LRRC4C: variants seen among roughly 807,000 people sequenced by gnomAD.
LRRC4C encodes the protein leucine-rich repeat-containing protein 4C.
A neutral mutation model predicts 33.6 loss-of-function variants in LRRC4C; 5 were observed. That is an observed-to-expected ratio of 0.15 (90% confidence interval 0.08 to 0.31). The LOEUF is 0.31. Ranked by LOEUF, LRRC4C falls within the 10% of genes least tolerant of loss-of-function variation. The probability of loss-of-function intolerance (pLI) is 1.00; values close to 1 mark genes in which losing one functional copy is unlikely to be tolerated. For missense variants in LRRC4C, 560 were observed against 796.7 expected (o/e 0.70, Z 3.58); for synonymous variants, 329 against 302.0 (o/e 1.09, Z -0.93).
intron 3 of LRRC4C, among the ~76,000 whole-genome samples, chr11:40,467,688 G>A (rs1420997090): frequency 6.6e-6 from 1 of 152,116 alleles, no homozygotes; most frequent in African/African-American, 2.4e-5. Flanking sequence ...AATGGACACT[G>A]ACACAGCAAG....
At chr11:40,585,720 G>A (rs1280151513) in intron 3 of LRRC4C, among the ~76,000 whole-genome samples, 2 of 141,926 alleles carry the variant, frequency 1.4e-5, no homozygotes, top group Non-Finnish European at 3.1e-5. Flanking sequence ...AGAATATGCA[G>A]TGTTTGGTTT....
At chr11:40,615,238 TTATATATATATATATA>T (rs756021420) in intron 3 of LRRC4C, among the ~76,000 whole-genome samples, 2 of 88,148 alleles carry the variant, frequency 2.3e-5, no homozygotes, top group African/African-American at 3.9e-5. Flanking sequence ...TTGATTTATT[TTATATATATATATATA>T]TATATATATA....
rs147772926 is a variant in LRRC4C at position 40,531,818 on chromosome 11, T to C, written c.-270+116324A>G. Among the ~76,000 whole-genome samples the C allele has an allele frequency of 4.7e-3, 709 of 151,590 alleles. 4 individuals carry two copies. Among genetic ancestry groups the C allele is most frequent in the Non-Finnish European group, 7.9e-3 (539 of 67,898 alleles). ...ATGTTTGTTTGGTGTAATGCCATGG[T>C]AAAGGAAAGAAGACAGTAAGAAAAA... On this transcript the variant is annotated intron_variant, in intron 3 of 6. Transcript: ENST00000528697.
chr11:41,241,122 T>C (rs1463849116), intron 1 of LRRC4C, among the ~76,000 whole-genome samples: 1 of 152,182 alleles, frequency 6.6e-6, no homozygotes, highest in South Asian at 2.1e-4. Flanking sequence ...AACTACCTTA[T>C]AGTGTTGAAT....
intron 2 of LRRC4C, among the ~76,000 whole-genome samples, chr11:40,884,075 C>G (rs1364953207): frequency 1.3e-5 from 2 of 151,976 alleles, no homozygotes; most frequent in Non-Finnish European, 2.9e-5. Context: ...TCCCCCTACC[C>G]CGTGACAGGC....
intron 4 of LRRC4C, among the ~76,000 whole-genome samples, chr11:40,255,158 G>A (rs1428695689): frequency 1.3e-5 from 2 of 152,076 alleles, no homozygotes; most frequent in African/African-American, 4.8e-5. Context: ...GTCAATCAGG[G>A]AGGATGTACA....
At chr11:40,368,194 A>C (rs1021664828) in intron 3 of LRRC4C, among the ~76,000 whole-genome samples, 21 of 152,208 alleles carry the variant, frequency 1.4e-4, no homozygotes, top group African/African-American at 4.8e-4. Context: ...AAGAGAAATG[A>C]AAGAAAAATA....
At chr11:40,882,593 G>A (rs899611069) in intron 2 of LRRC4C, among the ~76,000 whole-genome samples, 2 of 151,008 alleles carry the variant, frequency 1.3e-5, no homozygotes, top group African/African-American at 4.9e-5. Context: ...TTCTTTCTCT[G>A]CCTAGTGATG....
intron 1 of LRRC4C, among the ~76,000 whole-genome samples, chr11:41,153,107 C>G (rs1173987814): frequency 6.6e-6 from 1 of 152,126 alleles, no homozygotes; most frequent in East Asian, 1.9e-4. Flanking sequence ...CTGCATCTTT[C>G]TCATGCTGCT....
chr11:40,958,146 A>C (rs957532782), intron 1 of LRRC4C, among the ~76,000 whole-genome samples: 1 of 151,700 alleles, frequency 6.6e-6, no homozygotes, highest in African/African-American at 2.4e-5. Flanking sequence ...GCACCTCAAT[A>C]ATAGAATCCT....
chr11:40,303,855 C>T (rs1410184975), intron 4 of LRRC4C, among the ~76,000 whole-genome samples: 1 of 152,056 alleles, frequency 6.6e-6, no homozygotes, highest in African/African-American at 2.4e-5. Flanking sequence ...ATATTTCTGC[C>T]TGATGAAGTG....
At position 40,984,393 on chromosome 11, in the gene LRRC4C, AAGAAAGAAAGAAAGAAAGAAAG is replaced by A. The variant is rs944422965; in HGVS notation, c.-495-50692_-495-50671del. On this transcript the variant is annotated intron_variant, in intron 1 of 6. Coordinates refer to ENST00000528697, the MANE Select transcript of LRRC4C (RefSeq NM_001258419.2). Reference sequence around the variant, plus strand: ...AAAGAAAGAAAGAAAGAAAGAAAGAAAGAAAGAAAGAAAGAAAGAAAGAGAAAGAAAGAAAGAGAAAAAGAAA... The same window carrying A: ...AAAGAAAGAAAGAAAGAAAGAAAGAAAGAAAGAAAGAAAGAGAAAAAGAAA... Among the ~76,000 whole-genome samples the A allele has an allele frequency of 5.2e-3, 455 of 88,252 alleles. 5 individuals carry two copies. Among genetic ancestry groups the A allele is most frequent in the African/African-American group, 0.015 (440 of 29,554 alleles). 57.9% of individuals were successfully genotyped at this position (88,252 alleles called of 152,430 possible). A position where few individuals can be genotyped will look rare whatever the true frequency, so the allele number is the denominator to read the frequency against.
At chr11:41,206,436 G>A (rs1590932508) in intron 1 of LRRC4C, among the ~76,000 whole-genome samples, 1 of 152,154 alleles carries the variant, frequency 6.6e-6, no homozygotes, top group Middle Eastern at 3.4e-3. Flanking sequence ...CCTACAAAAA[G>A]CCTCCTTCAT....
chr11:40,332,202 C>A (rs887439378), intron 3 of LRRC4C, among the ~76,000 whole-genome samples: 1 of 152,084 alleles, frequency 6.6e-6, no homozygotes, highest in African/African-American at 2.4e-5. Flanking sequence ...AGTCAGAAGC[C>A]CAAAACTAAA....
At chr11:40,508,941 T>TA (rs11412574) in intron 3 of LRRC4C, among the ~76,000 whole-genome samples, 9,830 of 151,958 alleles carry the variant, frequency 0.065, 839 homozygotes, top group African/African-American at 0.2. Flanking sequence ...GACAAAGCTT[T>TA]AAAAAAAAGA....
chr11:41,216,859 A>G (rs901874515), intron 1 of LRRC4C, among the ~76,000 whole-genome samples: 2 of 152,180 alleles, frequency 1.3e-5, no homozygotes, highest in Non-Finnish European at 2.9e-5. Flanking sequence ...ACTATAAAAG[A>G]AAAACAATTT....
chr11:40,301,798 C>T (rs922252018), intron 4 of LRRC4C, among the ~76,000 whole-genome samples: 6 of 152,134 alleles, frequency 3.9e-5, no homozygotes, highest in Admixed American at 2.0e-4. Flanking sequence ...TTTAGTCACT[C>T]GTGATTGAAA....
chr11:40,156,662 A>C (rs2135297772), intron 5 of LRRC4C, among the ~76,000 whole-genome samples: 1 of 152,158 alleles, frequency 6.6e-6, no homozygotes, highest in Non-Finnish European at 1.5e-5. Flanking sequence ...GCAACCAAAC[A>C]AACAAAAAAA....
At chr11:41,265,797 T>C (rs181616822) in intron 1 of LRRC4C, among the ~76,000 whole-genome samples, 98 of 152,156 alleles carry the variant, frequency 6.4e-4, no homozygotes, top group Non-Finnish European at 1.2e-3. Context: ...TAGTAACTCA[T>C]ATTACCTGCC....
Sources: gnomAD v4.1 joint callset for allele counts (sites outside exome capture counted in the v4.1 genomes callset) on GRCh38, gnomAD v4.1.1 for gene constraint, MANE v1.5 for transcripts, NCBI Gene and HGNC (gene_info 2026-07-23, HGNC 2026-07-21) for gene names.